TMEM131: variants seen among roughly 807,000 people sequenced by gnomAD.
TMEM131 encodes 2610524E03Rik.
TMEM131 carries 66 observed loss-of-function variants against 211.6 expected under a neutral mutation model. That is an observed-to-expected ratio of 0.31 (90% CI 0.26 to 0.38). The LOEUF is 0.38. TMEM131 is among the 10% of genes least tolerant of loss of function. TMEM131 has a pLI of 1.00. For missense variants in TMEM131, 2,036 were observed against 2,299.3 expected (o/e 0.89, Z 2.34); for synonymous variants, 844 against 841.3 (o/e 1.00, Z -0.06).
chr2:97,903,987 A>T (rs1559437200), intron 3 of TMEM131, among the ~76,000 whole-genome samples: 1 of 152,200 alleles, frequency 6.6e-6, no homozygotes, highest in Non-Finnish European at 1.5e-5. Context: ...CTATAAAATA[A>T]ACAGCATCTA....
intron 2 of TMEM131, among the ~76,000 whole-genome samples, chr2:97,922,314 A>T (rs1334236282): frequency 6.6e-6 from 1 of 152,170 alleles, no homozygotes; most frequent in Non-Finnish European, 1.5e-5. Context: ...CAGGCCACAG[A>T]CCGGTACTGG....
At chr2:97,938,060 C>A (rs1228216291) in intron 1 of TMEM131, among the ~76,000 whole-genome samples, 1 of 152,192 alleles carries the variant, frequency 6.6e-6, no homozygotes, top group African/African-American at 2.4e-5. Flanking sequence ...CCGGTACCAG[C>A]CACCTGCAAA....
chr2:97,927,583 C>A, intron 1 of TMEM131, 96 bp from the exon 2 acceptor site: 1 of 1,035,290 alleles, frequency 9.7e-7, no homozygotes, highest in Non-Finnish European at 1.3e-6. Context: ...AATTTTATAT[C>A]TAAAAATGGA....
chr2:97,814,238 A>G lies in TMEM131; in HGVS notation c.1443T>C (p.Phe481=). 2 of 1,613,650 alleles carry G rather than the reference A, an allele frequency of 1.2e-6. No individual in the cohort carries two copies. The highest frequency in any genetic ancestry group is 2.2e-5 in the South Asian group (2 of 91,000). Residue 481 remains phenylalanine (F), a synonymous_variant, in exon 14 of 41, where the codon TTT becomes TTC. Coordinates refer to ENST00000186436, the MANE Select transcript of TMEM131 (RefSeq NM_015348.2). ...VLLPEEAKTM[F]KVHNFSKPVL... The stretch of plus-strand genomic sequence containing the variant: ...GTATGAGGGCTCCTGGACATACTTT[A>G]AACATTGTTTTGGCTTCTTCTGGTA...
chr2:97,790,871 C>T (rs562572448), intron 31 of TMEM131, among the ~76,000 whole-genome samples: 9 of 152,188 alleles, frequency 5.9e-5, no homozygotes, highest in African/African-American at 1.2e-4. Flanking sequence ...TTTACAAATC[C>T]GAATGCGTGT....
rs760518415 is a variant in TMEM131, at chr2:97,792,725, T to C, written c.3805A>G (p.Thr1269Ala). 5 of 1,613,914 alleles carry C rather than the reference T, an allele frequency of 3.1e-6. No individual in the cohort carries two copies. The African/African-American group carries it at 5.3e-5, about 17-fold the overall frequency. The change falls in exon 31 of 41, where the codon ACA becomes GCA. Residue 1269 changes from threonine (T) to alanine (A), a missense_variant. By Grantham distance (58) the Thr-to-Ala change is moderately conservative. This residue lies in a region of TMEM131 where 1,623 missense variants were observed against 1,805.9 expected (regional missense o/e 0.90). Coordinates refer to ENST00000186436, the MANE Select transcript of TMEM131 (RefSeq NM_015348.2). ...CCCGCTGTATGACCTTGAGTCACTG[T>C]GTTCGAATCTAAGACAAGGGGGCTT... ...KTSPLVLDSN[T>A]VTQGHTAGRK... is the part of the protein sequence containing the mutation.
At chr2:97,970,495 A>C (rs1679250155) in intron 1 of TMEM131, among the ~76,000 whole-genome samples, 2 of 152,236 alleles carry the variant, frequency 1.3e-5, no homozygotes, top group Non-Finnish European at 2.9e-5. Context: ...GTTTATGCCC[A>C]CTGTACAGTT....
intron 1 of TMEM131, among the ~76,000 whole-genome samples, chr2:97,981,199 G>A (rs1370160974): frequency 6.6e-6 from 1 of 151,854 alleles, no homozygotes; most frequent in Non-Finnish European, 1.5e-5. Context: ...TTTTTAAGGT[G>A]CATAATGATC....
intron 1 of TMEM131, among the ~76,000 whole-genome samples, chr2:97,966,176 C>A (rs527445224): frequency 5.3e-5 from 8 of 151,812 alleles, no homozygotes; most frequent in African/African-American, 1.9e-4. Context: ...AATGCATACA[C>A]TGAACATGTA....
In TMEM131 at chr2:97,995,689, C is replaced by T; in HGVS notation, c.-27G>A. ...CCTGCCGGCCGGGGGCCGCCGCGCT[C>T]GAGGTCCGGCGCGGCCCTTCTCGGC... is the stretch of plus-strand genomic sequence containing the variant. On this transcript the variant is annotated 5_prime_UTR_variant, in exon 1 of 41. Transcript: ENST00000186436. 8.4e-7 allele frequency: 1 copy of T among 1,189,620 alleles called. No individual in the cohort carries two copies. The highest frequency in any genetic ancestry group is 1.0e-6 in the Non-Finnish European group (1 of 960,244). 73.7% of individuals were successfully genotyped at this position (1,189,620 alleles called of 1,614,324 possible).
chr2:97,823,110 T>A (rs1476421421), intron 11 of TMEM131, among the ~76,000 whole-genome samples: 1 of 152,084 alleles, frequency 6.6e-6, no homozygotes, highest in African/African-American at 2.4e-5. Flanking sequence ...AAGCTTGCAA[T>A]TTACATCCCA....
Position 97,810,912 on chromosome 2 carries a change from G to A in TMEM131, c.1968+216C>T, listed in dbSNP as rs1425663256. Among the ~76,000 whole-genome samples the A allele has an allele frequency of 3.3e-5, 5 of 152,318 alleles. No individual in the cohort carries two copies. The East Asian group carries it at 9.6e-4, about 29-fold the overall frequency. Reference sequence around the variant, plus strand: ...AACGTGCTAAAGGCATTCTTCTGAAGTTGCTTTTTAGGTTAGGAGGGTTGG... The same window carrying A: ...AACGTGCTAAAGGCATTCTTCTGAAATTGCTTTTTAGGTTAGGAGGGTTGG... On this transcript the variant is annotated intron_variant, in intron 18 of 40. Coordinates refer to ENST00000186436, the MANE Select transcript of TMEM131 (RefSeq NM_015348.2).
intron 7 of TMEM131, among the ~76,000 whole-genome samples, chr2:97,837,951 T>C (rs1339401512): frequency 6.6e-6 from 1 of 152,240 alleles, no homozygotes; most frequent in Non-Finnish European, 1.5e-5. Flanking sequence ...GCTCATATTT[T>C]CTAGAGTTTT....
chr2:97,872,162 G>A (rs1031543481), intron 4 of TMEM131, among the ~76,000 whole-genome samples: 1 of 152,268 alleles, frequency 6.6e-6, no homozygotes, highest in Middle Eastern at 3.4e-3. Flanking sequence ...AAATTCTACA[G>A]GAGAGTAGGA....
intron 2 of TMEM131, among the ~76,000 whole-genome samples, chr2:97,909,983 T>C (rs894028059): frequency 6.6e-6 from 1 of 152,142 alleles, no homozygotes; most frequent in African/African-American, 2.4e-5. Flanking sequence ...ATAAATCAAA[T>C]ATCTGATGAG....
chr2:97,948,701 A>G (rs1244750348), intron 1 of TMEM131, among the ~76,000 whole-genome samples: 1 of 151,944 alleles, frequency 6.6e-6, no homozygotes, highest in Non-Finnish European at 1.5e-5. Context: ...GCTGTCGCCC[A>G]GGCTGGAGTG....
At chr2:97,957,913 G>A (rs1259053302) in intron 1 of TMEM131, among the ~76,000 whole-genome samples, 2 of 152,112 alleles carry the variant, frequency 1.3e-5, no homozygotes, top group African/African-American at 4.8e-5. Context: ...CCTCCTCAAG[G>A]AACTCATACA....
intron 32 of TMEM131, among the ~76,000 whole-genome samples, chr2:97,773,671 A>G (rs1344059276): frequency 2.0e-5 from 3 of 148,768 alleles, no homozygotes; most frequent in Non-Finnish European, 4.5e-5. Context: ...TTTTTTTGAG[A>G]CAAGGTACTC....
intron 29 of TMEM131, 143 bp downstream of exon 29, chr2:97,794,787 A>T: frequency 1.7e-6 from 1 of 599,232 alleles, no homozygotes; most frequent in South Asian, 3.1e-5. Context: ...TGTTCCCACC[A>T]GTCTGTGAGA....
Sources: allele counts gnomAD v4.1 joint callset (sites outside exome capture counted in the v4.1 genomes callset), GRCh38; gene constraint gnomAD v4.1.1; regional missense constraint gnomAD v4.1.1; transcripts MANE v1.5; gene names NCBI Gene and HGNC (gene_info 2026-07-23, HGNC 2026-07-21).